C16orf86: variants seen among roughly 807,000 people sequenced by gnomAD.
C16orf86 encodes the protein uncharacterized protein C16orf86.
C16orf86 carries 19 observed loss-of-function variants against 21.5 expected under a neutral mutation model. The observed-to-expected ratio is 0.88, with a 90% confidence interval of 0.62 to 1.30. C16orf86 has a LOEUF of 1.30. Among genes scored for constraint, C16orf86 ranks in the 50% most tolerant of loss-of-function variants. C16orf86 has a pLI of 0.00. For synonymous variants in C16orf86, 188 were observed against 183.5 expected (o/e 1.02, Z -0.20); for missense variants, 391 against 415.8 (o/e 0.94, Z 0.52).
In C16orf86 at chr16:67,668,324, CGAG is replaced by C. The variant is rs1387227500; in HGVS notation, c.683_685del (p.Glu228del). On this transcript the variant is annotated inframe_deletion, in exon 4 of 4. Transcript: ENST00000403458. ...CAGAGGCAGAGCTGGCCCCGGTTCCCGAGGAGGGAGGTGTGGAGCAACTGCAGG... is the reference window on the plus strand; with the variant it reads ...CAGAGGCAGAGCTGGCCCCGGTTCCCGAGGGAGGTGTGGAGCAACTGCAGG... The C allele has an allele frequency of 6.2e-7, 1 of 1,612,578 alleles. No individual in the cohort carries two copies. Among genetic ancestry groups the C allele is most frequent in the Non-Finnish European group, 8.5e-7 (1 of 1,179,846 alleles).
chr16:67,667,207 G>A (rs756562797), intron 1 of C16orf86, 89 bp from the exon 2 acceptor site: 2 of 1,459,142 alleles, frequency 1.4e-6, no homozygotes, highest in Non-Finnish European at 1.9e-6. Flanking sequence ...CCTTATTCCC[G>A]TTTCGGTGTC....
In C16orf86 at chr16:67,667,374, G is replaced by A; in HGVS notation, c.181G>A (p.Gly61Ser). Reference sequence around the variant, plus strand: ...CCAGAGTGAAGACCAGCGCCCAGCAGGCGCAGCTTCGGAGTCGGAGCTCCA... The same window carrying A: ...CCAGAGTGAAGACCAGCGCCCAGCAAGCGCAGCTTCGGAGTCGGAGCTCCA... ...GTQSEDQRPA[G>S]AASESELQEE... Residue 61 changes from glycine (G) to serine (S), a missense_variant, in exon 2 of 4, where the codon GGC (glycine) becomes AGC (serine). Gly to Ser is a moderately conservative substitution (Grantham distance 56). Coordinates refer to ENST00000403458, the MANE Select transcript of C16orf86 (RefSeq NM_001012984.3). 1 of 1,612,694 alleles carries A rather than the reference G, an allele frequency of 6.2e-7. No homozygotes were observed. The highest frequency in any genetic ancestry group is 8.5e-7 in the Non-Finnish European group (1 of 1,179,870).
At position 67,666,995 on chromosome 16, in the gene C16orf86, C is replaced by G; in HGVS notation, c.25C>G (p.Arg9Gly). The part of the protein sequence containing the change: MASAGAER[R>G]PGVQEATVVG... ...CATGGCCTCGGCAGGGGCGGAGAGGCGGCCGGGGGTCCAGGAGGCGACGGT... is the reference window on the plus strand; with the variant it reads ...CATGGCCTCGGCAGGGGCGGAGAGGGGGCCGGGGGTCCAGGAGGCGACGGT... The change falls in exon 1 of 4, where the codon CGG becomes GGG. Residue 9 changes from arginine to glycine, a missense_variant. Physicochemically the swap from Arg to Gly is moderately radical, Grantham distance 125. Transcript: ENST00000403458. The G allele has an allele frequency of 6.9e-7, 1 of 1,453,126 alleles. No individual in the cohort carries two copies. The highest frequency in any genetic ancestry group is 9.0e-7 in the Non-Finnish European group (1 of 1,110,446). The allele number at this position is 1,453,126 out of a possible 1,614,324, so 90.0% of individuals were successfully genotyped here. A position where few individuals can be genotyped will look rare whatever the true frequency, so the allele number is the denominator to read the frequency against.
chr16:67,667,444 C>G lies in C16orf86; in HGVS notation c.251C>G (p.Ala84Gly), dbSNP rs1176705703. 6.2e-7 allele frequency: 1 copy of G among 1,611,688 alleles called. No homozygotes were observed. The highest frequency in any genetic ancestry group is 8.5e-7 in the Non-Finnish European group (1 of 1,179,504). Residue 84 changes from alanine (A) to glycine (G), a missense_variant, in exon 2 of 4, where the codon GCC (alanine) becomes GGC (glycine). By Grantham distance (60) the Ala-to-Gly change is moderately conservative. Transcript: ENST00000403458. ...GGGGAGGAGCGGCCCAAGCCGCATG[C>G]CGGGGCGCTAGAGGAGAGAGGCCCC... is the stretch of plus-strand genomic sequence containing the variant. ...KLGEERPKPH[A>G]GALEERGPRP... is the part of the protein sequence containing the mutation.
At position 67,667,545 on chromosome 16, in the gene C16orf86, G is replaced by A. The variant is rs774313121; in HGVS notation, c.332+20G>A. ...TGTCAAGTGAGGGGGCTCTCGGGGG[G>A]AAGGAGCTGCAGCCCCGGGGTTGGG... On this transcript the variant is annotated intron_variant, in intron 2 of 3. Transcript: ENST00000403458. 2.5e-6 allele frequency: 4 copies of A among 1,582,800 alleles called. No homozygotes were observed. The highest frequency in any genetic ancestry group is 4.6e-5 in the East Asian group (2 of 43,562).
chr16:67,667,095 T>C, intron 1 of C16orf86, 23 bp downstream of exon 1: 1 of 1,455,732 alleles, frequency 6.9e-7, no homozygotes, highest in Non-Finnish European at 9.1e-7. Flanking sequence ...CTGTTTAACC[T>C]TCAAACACAG....
intron 3 of C16orf86, 34 bp downstream of exon 3, chr16:67,668,132 C>T: frequency 6.3e-7 from 1 of 1,599,716 alleles, no homozygotes; most frequent in Non-Finnish European, 8.5e-7. Context: ...TCCTTCTCCC[C>T]CTGCCTGTGG....
Position 67,666,991 on chromosome 16 carries a change from G to T in C16orf86, c.21G>T (p.Glu7Asp). ...CAGCCATGGCCTCGGCAGGGGCGGA[G>T]AGGCGGCCGGGGGTCCAGGAGGCGA... MASAGA[E>D]RRPGVQEATV... is the part of the protein sequence containing the mutation. Residue 7 changes from glutamate to aspartate, a missense_variant, in exon 1 of 4, where the codon GAG becomes GAT. Physicochemically the swap from Glu to Asp is conservative, Grantham distance 45. Coordinates refer to ENST00000403458, the MANE Select transcript of C16orf86 (RefSeq NM_001012984.3). 2 of 1,453,634 alleles carry T rather than the reference G, an allele frequency of 1.4e-6. No individual in the cohort carries two copies. The highest frequency in any genetic ancestry group is 2.8e-5 in the Admixed American group (1 of 35,820). 90.0% of individuals were successfully genotyped at this position (1,453,634 alleles called of 1,614,324 possible).
chr16:67,667,727 T>A, intron 2 of C16orf86, 151 bp from the exon 3 acceptor site: 7 of 1,520,946 alleles, frequency 4.6e-6, no homozygotes, highest in Non-Finnish European at 5.3e-6. Context: ...CTGGGCTCAC[T>A]GGCCTCTAAG....
Position 67,668,519 on chromosome 16 carries a change from G to C in C16orf86, c.873G>C (p.Lys291Asn). The C allele has an allele frequency of 6.2e-7, 1 of 1,613,438 alleles. No individual in the cohort carries two copies. Among genetic ancestry groups the C allele is most frequent in the Non-Finnish European group, 8.5e-7 (1 of 1,179,866 alleles). ...GTGACCACAAGGCCGAGGTGGATAAGTCAACCCAGGTGGACATCGACAAGA... is the reference window on the plus strand; with the variant it reads ...GTGACCACAAGGCCGAGGTGGATAACTCAACCCAGGTGGACATCGACAAGA... ...GVSDHKAEVDKSTQVDIDKML... is the reference protein window; with the variant it reads ...GVSDHKAEVDNSTQVDIDKML... Residue 291 changes from lysine (K) to asparagine (N), a missense_variant, in exon 4 of 4, where the codon AAG becomes AAC. Physicochemically the swap from Lys to Asn is moderately conservative, Grantham distance 94. Transcript: ENST00000403458.
At position 67,667,544 on chromosome 16, in the gene C16orf86, G is replaced by T. The variant is rs145929427; in HGVS notation, c.332+19G>T. The T allele has an allele frequency of 1.3e-6, 2 of 1,582,846 alleles. No individual in the cohort carries two copies. The highest frequency in any genetic ancestry group is 2.7e-5 in the African/African-American group (2 of 74,382). Reference sequence around the variant, plus strand: ...CTGTCAAGTGAGGGGGCTCTCGGGGGGAAGGAGCTGCAGCCCCGGGGTTGG... The same window carrying T: ...CTGTCAAGTGAGGGGGCTCTCGGGGTGAAGGAGCTGCAGCCCCGGGGTTGG... On this transcript the variant is annotated intron_variant, in intron 2 of 3. Transcript: ENST00000403458.
chr16:67,667,737 G>A, intron 2 of C16orf86, 141 bp from the exon 3 acceptor site: 1 of 1,516,008 alleles, frequency 6.6e-7, no homozygotes, highest in South Asian at 1.2e-5. Flanking sequence ...TGGCCTCTAA[G>A]CCTCTTGGGC....
At position 67,668,095 on chromosome 16, in the gene C16orf86, G is replaced by A. The variant is rs768266159; in HGVS notation, c.550G>A (p.Glu184Lys). ...TGCACCCTTAGAGACATTGAGGCTGGAGCGTGAGTGGCAGTCCCTGGACTG... is the reference window on the plus strand; with the variant it reads ...TGCACCCTTAGAGACATTGAGGCTGAAGCGTGAGTGGCAGTCCCTGGACTG... ...VSAPLETLRL[E>K]RKAQRLRPLY... Residue 184 changes from glutamate to lysine, a missense_variant, in exon 3 of 4, where the codon GAG becomes AAG. By Grantham distance (56) the Glu-to-Lys change is moderately conservative. Transcript: ENST00000403458. 16 of 1,612,300 alleles carry A rather than the reference G, an allele frequency of 9.9e-6. No homozygotes were observed. The highest frequency in any genetic ancestry group is 2.2e-5 in the East Asian group (1 of 44,830).
Position 67,668,412 on chromosome 16 carries a change from C to T in C16orf86, c.766C>T (p.Leu256=). 6.2e-7 allele frequency: 1 copy of T among 1,612,576 alleles called. No individual in the cohort carries two copies. The highest frequency in any genetic ancestry group is 8.5e-7 in the Non-Finnish European group (1 of 1,179,732). The change falls in exon 4 of 4, where the codon CTA becomes TTA. Residue 256 remains leucine, a synonymous_variant. Coordinates refer to ENST00000403458, the MANE Select transcript of C16orf86 (RefSeq NM_001012984.3). ...PGLALPCPSP[L]VTPTHALAPL... Reference sequence around the variant, plus strand: ...CCTCGCTTTGCCCTGTCCCAGTCCACTAGTGACCCCCACCCATGCCCTGGC... The same window carrying T: ...CCTCGCTTTGCCCTGTCCCAGTCCATTAGTGACCCCCACCCATGCCCTGGC...
chr16:67,667,137 G>T lies in C16orf86; in HGVS notation c.102+65G>T, dbSNP rs1047515592. ...AGCGCTCTGAGAGGTGGAACTGAGC[G>T]CCCCGACCCGCTAACTGCCAGGCTG... On this transcript the variant is annotated intron_variant, in intron 1 of 3. Coordinates refer to ENST00000403458, the MANE Select transcript of C16orf86 (RefSeq NM_001012984.3). 18 of 1,436,044 alleles carry T rather than the reference G, an allele frequency of 1.3e-5. No individual in the cohort carries two copies. The Admixed American group carries it at 2.8e-4, about 22-fold the overall frequency. 89.0% of individuals were successfully genotyped at this position (1,436,044 alleles called of 1,614,324 possible). A position where few individuals can be genotyped will look rare whatever the true frequency, so the allele number is the denominator to read the frequency against.
chr16:67,667,989 A>T lies in C16orf86; in HGVS notation c.444A>T (p.Pro148=). The T allele has an allele frequency of 6.2e-7, 1 of 1,613,574 alleles. No individual in the cohort carries two copies. The highest frequency in any genetic ancestry group is 8.5e-7 in the Non-Finnish European group (1 of 1,179,872). The change falls in exon 3 of 4, where the codon CCA becomes CCT. Residue 148 remains proline (P), a synonymous_variant. Transcript: ENST00000403458. ...AGGACAGCCAGAGTGAGCCCTCACC[A>T]TCTGCCAAACAGCACAAAAAAGCCA... The part of the protein sequence containing the change: ...EPEDSQSEPS[P]SAKQHKKAKK...
rs1219468065 is a variant in C16orf86 at position 67,668,289 on chromosome 16, G to A, written c.643G>A (p.Glu215Lys). The change falls in exon 4 of 4, where the codon GAG (glutamate) becomes AAG (lysine). Residue 215 changes from glutamate to lysine, a missense_variant. Transcript: ENST00000403458. ...NQAGKGDGEAEVEAEAELAPV... is the reference protein window; with the variant it reads ...NQAGKGDGEAKVEAEAELAPV... ...GGCAGGGAAGGGGGACGGGGAGGCT[G>A]AGGTGGAGGCAGAGGCAGAGCTGGC... The A allele has an allele frequency of 6.2e-7, 1 of 1,611,690 alleles. No individual in the cohort carries two copies. The highest frequency in any genetic ancestry group is 2.2e-5 in the East Asian group (1 of 44,890).
At position 67,667,442 on chromosome 16, in the gene C16orf86, T is replaced by G. The variant is rs2053119078; in HGVS notation, c.249T>G (p.His83Gln). ...PKLGEERPKP[H>Q]AGALEERGPR... ...TGGGGGAGGAGCGGCCCAAGCCGCA[T>G]GCCGGGGCGCTAGAGGAGAGAGGCC... Residue 83 changes from histidine to glutamine, a missense_variant, in exon 2 of 4, where the codon CAT (histidine) becomes CAG (glutamine). By Grantham distance (24) the His-to-Gln change is conservative. Coordinates refer to ENST00000403458, the MANE Select transcript of C16orf86 (RefSeq NM_001012984.3). 1 of 1,611,832 alleles carries G rather than the reference T, an allele frequency of 6.2e-7. No individual in the cohort carries two copies. The highest frequency in any genetic ancestry group is 8.5e-7 in the Non-Finnish European group (1 of 1,179,624).
chr16:67,667,095 T>G, intron 1 of C16orf86, 23 bp downstream of exon 1: 1 of 1,455,732 alleles, frequency 6.9e-7, no homozygotes, highest in Non-Finnish European at 9.1e-7. Flanking sequence ...CTGTTTAACC[T>G]TCAAACACAG....
Sources: gnomAD v4.1 joint callset for allele counts on GRCh38, gnomAD v4.1.1 for gene constraint, MANE v1.5 for transcripts, NCBI Gene and HGNC (gene_info 2026-07-23, HGNC 2026-07-21) for gene names.